The following PRKCH variants were observed in gnomAD, a reference collection of about 807,000 sequenced individuals.
The protein encoded by PRKCH is protein kinase C eta.
In PRKCH, 28 loss-of-function variants were observed where a neutral mutation model predicts 82.5. That is an observed-to-expected ratio of 0.34 (90% CI 0.25 to 0.47). The LOEUF is 0.47. Among genes scored for constraint, PRKCH ranks in the 20% least tolerant of loss-of-function variants. PRKCH has a pLI of 1.00. For missense variants in PRKCH, 705 were observed against 881.8 expected, an observed-to-expected ratio of 0.80 and a Z score of 2.54; for synonymous variants, 322 against 327.4, an observed-to-expected ratio of 0.98 and a Z score of 0.18.
intron 9 of PRKCH, among the ~76,000 whole-genome samples, chr14:61,480,924 A>C (rs1228843207): frequency 6.6e-6 from 1 of 151,996 alleles, no homozygotes; most frequent in African/African-American, 2.4e-5. Flanking sequence ...CTCCCACCTC[A>C]GTCCCCACTC....
At chr14:61,368,486 C>G (rs766416724) in intron 1 of PRKCH, among the ~76,000 whole-genome samples, 1 of 152,170 alleles carries the variant, frequency 6.6e-6, no homozygotes, top group Middle Eastern at 3.4e-3. Context: ...GACTGAACTG[C>G]GAGGAAAGGC....
At chr14:61,374,345 T>G (rs952807330) in intron 1 of PRKCH, among the ~76,000 whole-genome samples, 2 of 152,112 alleles carry the variant, frequency 1.3e-5, no homozygotes, top group Non-Finnish European at 1.5e-5. Context: ...TCTACCATTC[T>G]GGGGTCTGGA....
chr14:61,205,064 T>C (rs770954598), intron 1 of PRKCH, among the ~76,000 whole-genome samples: 2 of 152,236 alleles, frequency 1.3e-5, no homozygotes, highest in Non-Finnish European at 2.9e-5. Flanking sequence ...TCCTGGGTTC[T>C]CCTTGGGACC....
At chr14:61,523,256 G>GA (rs141955104) in intron 10 of PRKCH, among the ~76,000 whole-genome samples, 1 of 152,112 alleles carries the variant, frequency 6.6e-6, no homozygotes, top group Non-Finnish European at 1.5e-5. Context: ...CACAAGCTAA[G>GA]AAAAAAACCT....
intron 1 of PRKCH, among the ~76,000 whole-genome samples, chr14:61,256,054 G>A (rs1594876951): frequency 6.6e-6 from 1 of 152,296 alleles, no homozygotes; most frequent in South Asian, 2.1e-4. Flanking sequence ...TATTTCAAAT[G>A]CATTTGCACT....
intron 10 of PRKCH, 103 bp from the exon 11 acceptor site, chr14:61,528,972 A>AAGTG (rs2043007843): frequency 3.3e-6 from 3 of 908,098 alleles, no homozygotes; most frequent in Non-Finnish European, 4.2e-6. Flanking sequence ...ATGTGGCCGC[A>AAGTG]CGTGTGTGTG....
intron 9 of PRKCH, among the ~76,000 whole-genome samples, chr14:61,460,376 G>A (rs1193829597): frequency 6.6e-6 from 1 of 152,094 alleles, no homozygotes; most frequent in African/African-American, 2.4e-5. Context: ...GCTTATGCTG[G>A]TGTTTCTGTA....
intron 1 of PRKCH, chr14:61,281,395 C>T: frequency 3.0e-6 from 1 of 331,920 alleles, no homozygotes; most frequent in Non-Finnish European, 5.7e-6. Flanking sequence ...CGCGGGTCAC[C>T]GGGAGCCGCA....
At chr14:61,547,671 G>C in intron 12 of PRKCH, 72 bp from the exon 13 acceptor site, 1 of 1,542,040 alleles carries the variant, frequency 6.5e-7, no homozygotes, top group Non-Finnish European at 8.8e-7. Flanking sequence ...TGCCATGGCT[G>C]ATGCCTGCTG....
intron 11 of PRKCH, among the ~76,000 whole-genome samples, chr14:61,529,812 G>A (rs1017060584): frequency 2.0e-5 from 3 of 149,446 alleles, no homozygotes; most frequent in South Asian, 2.1e-4. Flanking sequence ...GCTAGATGAC[G>A]AGTTAGTGGG....
chr14:61,474,766 AT>A (rs1885656478), intron 9 of PRKCH, among the ~76,000 whole-genome samples: 1 of 152,204 alleles, frequency 6.6e-6, no homozygotes, highest in Admixed American at 6.5e-5. Context: ...GCTTGAACAG[AT>A]TTTGTTCCCC....
At chr14:61,417,692 T>G (rs1168386513) in intron 2 of PRKCH, among the ~76,000 whole-genome samples, 1 of 152,212 alleles carries the variant, frequency 6.6e-6, no homozygotes, top group Non-Finnish European at 1.5e-5. Flanking sequence ...GTCCTCCTTC[T>G]GTCTTTGAAG....
intron 10 of PRKCH, among the ~76,000 whole-genome samples, chr14:61,513,928 A>G (rs182676530): frequency 6.6e-6 from 1 of 152,200 alleles, no homozygotes; most frequent in East Asian, 1.9e-4. Flanking sequence ...GTCCCATCCC[A>G]TCGTTTTACA....
intron 1 of PRKCH, among the ~76,000 whole-genome samples, chr14:61,252,869 G>A (rs1442043398): frequency 1.3e-5 from 2 of 152,072 alleles, no homozygotes; most frequent in Non-Finnish European, 2.9e-5. Flanking sequence ...GTCTTTGTCC[G>A]TATTTCTTCA....
chr14:61,241,392 A>G lies in PRKCH; in HGVS notation c.-19+53724A>G, dbSNP rs574279310. On this transcript the variant is annotated intron_variant, in intron 1 of 3. Coordinates refer to the PRKCH transcript ENST00000555185. ...TTAAATCATTGATCATTGGTAATCA[A>G]CTTAACCTTCATCCCCTCTCCACTC... 1.4e-3 allele frequency among the ~76,000 whole-genome samples: 220 copies of G among 152,302 alleles called. 1 individual carries two copies. Among genetic ancestry groups the G allele is most frequent in the African/African-American group, 5.1e-3 (212 of 41,572 alleles).
At chr14:61,473,084 T>C (rs1885575254) in intron 9 of PRKCH, among the ~76,000 whole-genome samples, 1 of 152,140 alleles carries the variant, frequency 6.6e-6, no homozygotes, top group Admixed American at 6.5e-5. Context: ...AGGGATCTTA[T>C]AGTCACAAGA....
intron 1 of PRKCH, among the ~76,000 whole-genome samples, chr14:61,382,545 T>C (rs1310820335): frequency 6.6e-6 from 1 of 152,246 alleles, no homozygotes; most frequent in Non-Finnish European, 1.5e-5. Context: ...GGAATTTGAA[T>C]GCTCATTTTT....
intron 10 of PRKCH, among the ~76,000 whole-genome samples, chr14:61,526,423 G>A (rs1018027865): frequency 5.6e-4 from 85 of 152,354 alleles, no homozygotes; most frequent in African/African-American, 1.9e-3. Flanking sequence ...TCTGTGCCAT[G>A]AAAGCTTTGC....
chr14:61,362,795 G>T (rs1001943587), intron 1 of PRKCH, among the ~76,000 whole-genome samples: 3 of 152,222 alleles, frequency 2.0e-5, no homozygotes, highest in Non-Finnish European at 2.9e-5. Context: ...AATCCCCAGA[G>T]GTACAAAGAC....
Sources: gnomAD v4.1 joint callset for allele counts (sites outside exome capture counted in the v4.1 genomes callset) on GRCh38, gnomAD v4.1.1 for gene constraint, MANE v1.5 for transcripts, NCBI Gene and HGNC (gene_info 2026-07-23, HGNC 2026-07-21) for gene names.